PLD5: variants seen among roughly 807,000 people sequenced by gnomAD.
The protein encoded by PLD5 is phospholipase D family member 5, also known as inactive phospholipase D5.
A neutral mutation model predicts 61.1 loss-of-function variants in PLD5; 36 were observed. The observed-to-expected ratio is 0.59, with a 90% CI of 0.45 to 0.78. PLD5 has a LOEUF of 0.78. PLD5 is among the 30% of genes least tolerant of loss of function. The probability of loss-of-function intolerance (pLI) is 0.00; values close to 1 mark genes in which losing one functional copy is unlikely to be tolerated. For missense variants in PLD5, 515 were observed against 644.4 expected, an observed-to-expected ratio of 0.80 and a Z score of 2.17; for synonymous variants, 243 against 242.8, an observed-to-expected ratio of 1.00 and a Z score of -0.01.
In PLD5 at chr1:242,173,390, G is replaced by A. The variant is rs1254442330; in HGVS notation, c.735+46598C>T. The stretch of plus-strand genomic sequence containing the variant: ...GGAGAACTACAAACCACTGTTCAAC[G>A]AAATAAAAGAGGATACAAACAAATG... On this transcript the variant is annotated intron_variant, in intron 5 of 9. Transcript: ENST00000536534. Among the ~76,000 whole-genome samples the A allele has an allele frequency of 8.5e-5, 13 of 152,110 alleles. No individual in the cohort carries two copies. In the South Asian group the frequency reaches 1.2e-3, roughly 15 times the overall value.
intron 5 of PLD5, among the ~76,000 whole-genome samples, chr1:242,131,053 C>T (rs891364475): frequency 2.0e-5 from 3 of 152,072 alleles, no homozygotes; most frequent in African/African-American, 7.2e-5. Flanking sequence ...CGCCTGTAAT[C>T]CCAGCACTTT....
At chr1:242,222,012 T>C (rs1053299653) in intron 4 of PLD5, among the ~76,000 whole-genome samples, 2 of 152,132 alleles carry the variant, frequency 1.3e-5, no homozygotes, top group African/African-American at 2.4e-5. Flanking sequence ...CTCTGGGACA[T>C]GCAGGGAAGC....
At chr1:242,442,294 A>AT (rs1256533725) in intron 1 of PLD5, among the ~76,000 whole-genome samples, 1 of 152,234 alleles carries the variant, frequency 6.6e-6, no homozygotes, top group Non-Finnish European at 1.5e-5. Context: ...TTAAATAAGA[A>AT]TAAAAACAAC....
chr1:242,215,317 C>A (rs1245810488), intron 5 of PLD5, among the ~76,000 whole-genome samples: 9 of 152,056 alleles, frequency 5.9e-5, no homozygotes, highest in Non-Finnish European at 7.4e-5. Flanking sequence ...ATTCCACAGG[C>A]ATCCCGTATA....
intron 3 of PLD5, among the ~76,000 whole-genome samples, chr1:242,280,847 A>G (rs1305444314): frequency 6.6e-6 from 1 of 152,246 alleles, no homozygotes; most frequent in Admixed American, 6.5e-5. Flanking sequence ...CAAAAACAGG[A>G]TTCTTCTGGG....
At chr1:242,147,377 T>C (rs973310908) in intron 5 of PLD5, 2 of 152,248 alleles carry the variant, frequency 1.3e-5, no homozygotes, top group African/African-American at 4.8e-5. Context: ...AAGGATTTTA[T>C]TGTATGGAAT....
chr1:242,095,083 C>T (rs954998060), intron 9 of PLD5, among the ~76,000 whole-genome samples: 1 of 151,802 alleles, frequency 6.6e-6, no homozygotes, highest in Non-Finnish European at 1.5e-5. Flanking sequence ...ACTACAGGTG[C>T]CCGCCACCAC....
At chr1:242,450,409 C>T (rs1666733082) in intron 1 of PLD5, among the ~76,000 whole-genome samples, 1 of 152,182 alleles carries the variant, frequency 6.6e-6, no homozygotes. Context: ...TGAGTTAATA[C>T]ATTGATTTCC....
intron 5 of PLD5, among the ~76,000 whole-genome samples, chr1:242,158,971 C>T (rs771121688): frequency 6.6e-6 from 1 of 152,072 alleles, no homozygotes; most frequent in Non-Finnish European, 1.5e-5. Flanking sequence ...AATTAAGCAT[C>T]AGTTTTAGCA....
intron 5 of PLD5, among the ~76,000 whole-genome samples, chr1:242,209,863 TG>T (rs1239776275): frequency 6.6e-6 from 1 of 152,168 alleles, no homozygotes; most frequent in Non-Finnish European, 1.5e-5. Flanking sequence ...GGTGCAATCT[TG>T]GCTCACTGCA....
intron 1 of PLD5, among the ~76,000 whole-genome samples, chr1:242,394,868 GAATATATA>G (rs1408275971): frequency 5.1e-4 from 60 of 118,222 alleles, no homozygotes; most frequent in Admixed American, 1.4e-3. Context: ...ATGTATATAT[GAATATATA>G]TGAATATATG....
At chr1:242,097,887 A>G (rs1383874260) in intron 9 of PLD5, among the ~76,000 whole-genome samples, 1 of 152,204 alleles carries the variant, frequency 6.6e-6, no homozygotes, top group Non-Finnish European at 1.5e-5. Context: ...TAGGTCTAAC[A>G]TTTAAATCTT....
intron 5 of PLD5, among the ~76,000 whole-genome samples, chr1:242,136,015 C>T (rs925998435): frequency 3.3e-5 from 5 of 151,836 alleles, no homozygotes; most frequent in South Asian, 2.1e-4. Context: ...GGTGGGAGGG[C>T]GAGGGAGGAA....
rs531289035 is a variant in PLD5, at chr1:242,102,475, T to TA, written c.1240-1694dup. On this transcript the variant is annotated intron_variant, in intron 8 of 9. Coordinates refer to ENST00000536534, the MANE Select transcript of PLD5 (RefSeq NM_001372062.1). ...TTTCAAAAGGGGTTTATTAATTTGT[T>TA]AAAAAAAACTAAAAAATCAGCTGAC... is the stretch of plus-strand genomic sequence containing the variant. Among the ~76,000 whole-genome samples the TA allele has an allele frequency of 6.6e-4, 100 of 152,150 alleles. 3 individuals are homozygous for TA. In the South Asian group the frequency reaches 0.016, roughly 25 times the overall value.
chr1:242,284,329 G>T (rs1310693652), intron 3 of PLD5, among the ~76,000 whole-genome samples: 1 of 151,566 alleles, frequency 6.6e-6, no homozygotes, highest in Non-Finnish European at 1.5e-5. Context: ...TACAGACGGG[G>T]TTTCACCATG....
At chr1:242,215,627 C>T (rs1670137189) in intron 5 of PLD5, among the ~76,000 whole-genome samples, 1 of 152,090 alleles carries the variant, frequency 6.6e-6, no homozygotes, top group Admixed American at 6.5e-5. Flanking sequence ...CCCTCGGGTC[C>T]TCTTTGGATT....
intron 2 of PLD5, among the ~76,000 whole-genome samples, chr1:242,317,342 T>C (rs1311550126): frequency 1.3e-5 from 2 of 152,332 alleles, no homozygotes; most frequent in African/African-American, 4.8e-5. Flanking sequence ...TTTAGGTTGA[T>C]TCTATGTCTT....
chr1:242,521,006 G>C (rs1490071879), intron 1 of PLD5, among the ~76,000 whole-genome samples: 1 of 152,154 alleles, frequency 6.6e-6, no homozygotes, highest in African/African-American at 2.4e-5. Flanking sequence ...GGAAACAAAA[G>C]ATTTTAACAA....
chr1:242,477,962 A>T (rs1667650346), intron 1 of PLD5, among the ~76,000 whole-genome samples: 1 of 152,164 alleles, frequency 6.6e-6, no homozygotes, highest in Non-Finnish European at 1.5e-5. Context: ...GACGGTATCA[A>T]CCTCTGGATA....
Sources: gnomAD v4.1 joint callset for allele counts (sites outside exome capture counted in the v4.1 genomes callset) on GRCh38, gnomAD v4.1.1 for gene constraint, MANE v1.5 for transcripts, NCBI Gene and HGNC (gene_info 2026-07-23, HGNC 2026-07-21) for gene names.